Variants in PAK1 observed in about 807,000 individuals in gnomAD.
The protein encoded by PAK1 is p21 (RAC1) activated kinase 1, also known as serine/threonine-protein kinase PAK 1.
A neutral mutation model predicts 67.4 loss-of-function variants in PAK1; 29 were observed. The ratio of observed to expected loss-of-function variants is 0.43; its 90% CI spans 0.32 to 0.59. PAK1 has a LOEUF of 0.59. Among genes scored for constraint, PAK1 ranks in the 20% least tolerant of loss-of-function variants. PAK1 has a pLI of 0.07. For missense variants in PAK1, 337 were observed against 670.7 expected, an observed-to-expected ratio of 0.50 and a Z score of 5.50; for synonymous variants, 223 against 237.4, an observed-to-expected ratio of 0.94 and a Z score of 0.56.
chr11:77,368,960 G>T (rs1177305539), intron 5 of PAK1, among the ~76,000 whole-genome samples: 2 of 152,170 alleles, frequency 1.3e-5, no homozygotes, highest in African/African-American at 4.8e-5. Flanking sequence ...TGATCTGTGG[G>T]TGGTAAACCT....
Position 77,355,753 on chromosome 11 carries a change from G to A in PAK1, c.687C>T (p.Thr229=), listed in dbSNP as rs745756113. ...TSPISPTENN[T]TPPDALTRNT... is the part of the protein sequence containing the mutation. Reference sequence around the variant, plus strand: ...TCCGGGTCAAAGCATCTGGTGGAGTGGTGTTATTTTCAGTAGGTGAAATGG... The same window carrying A: ...TCCGGGTCAAAGCATCTGGTGGAGTAGTGTTATTTTCAGTAGGTGAAATGG... The change falls in exon 7 of 15, where the codon ACC becomes ACT. Residue 229 remains threonine (T), a synonymous_variant. Coordinates refer to ENST00000356341, the MANE Select transcript of PAK1 (RefSeq NM_002576.5). 7 of 1,612,750 alleles carry A rather than the reference G, an allele frequency of 4.3e-6. No homozygotes were observed. The highest frequency in any genetic ancestry group is 5.9e-6 in the Non-Finnish European group (7 of 1,178,802).
chr11:77,389,552 T>C (rs1251425817), intron 2 of PAK1, among the ~76,000 whole-genome samples: 1 of 152,218 alleles, frequency 6.6e-6, no homozygotes, highest in Non-Finnish European at 1.5e-5. Context: ...ATAGCCATCC[T>C]AGTGAGTGTG....
rs564339500 is a variant in PAK1 at position 77,434,445 on chromosome 11, CTTTTTT to C, written c.-22+39101_-22+39106del. Among the ~76,000 whole-genome samples the C allele has an allele frequency of 1.4e-4, 20 of 145,456 alleles. No homozygotes were observed. In the East Asian group the frequency reaches 3.4e-3, roughly 25 times the overall value. ...TTTAGGAGGACAAAATATTCTTTTT[CTTTTTT>C]TTTTTGGAGAGGGGATGGGGTATTG... On this transcript the variant is annotated intron_variant, in intron 1 of 14. Transcript: ENST00000356341.
intron 1 of PAK1, among the ~76,000 whole-genome samples, chr11:77,469,031 C>T (rs1267714608): frequency 6.6e-6 from 1 of 152,084 alleles, no homozygotes; most frequent in African/African-American, 2.4e-5. Context: ...GTAAATCTGT[C>T]TTCACCAAGC....
chr11:77,355,502 G>T (rs144011948), intron 7 of PAK1, among the ~76,000 whole-genome samples, 166 bp downstream of exon 7: 1,982 of 152,252 alleles, frequency 0.013, 16 homozygotes, highest in Non-Finnish European at 0.018. Flanking sequence ...AACCAGGGCT[G>T]TGAGACAGGG....
chr11:77,495,572 A>G, the PAK1 span, among the ~76,000 whole-genome samples: 1 of 152,210 alleles, frequency 6.6e-6, no homozygotes, highest in Non-Finnish European at 1.5e-5. Context: ...CAGGGTCTCA[A>G]AGAGGTATTT....
At chr11:77,479,084 C>CAAA (rs757138155), upstream of PAK1, among the ~76,000 whole-genome samples, 8,397 of 88,436 alleles carry the variant, frequency 0.095, 682 homozygotes, top group East Asian at 0.29. Flanking sequence ...GACTCCGTCT[C>CAAA]AAAAAAAAAA....
At chr11:77,407,874 T>C (rs760971890) in intron 1 of PAK1, among the ~76,000 whole-genome samples, 1 of 152,166 alleles carries the variant, frequency 6.6e-6, no homozygotes, top group African/African-American at 2.4e-5. Context: ...GAGTGTTTGT[T>C]TGGCTATGGC....
chr11:77,504,858 A>G, the PAK1 span, among the ~76,000 whole-genome samples: 1 of 152,220 alleles, frequency 6.6e-6, no homozygotes, highest in Non-Finnish European at 1.5e-5. Flanking sequence ...CAGACACCAT[A>G]TCAAGTATTC....
intron 13 of PAK1, among the ~76,000 whole-genome samples, chr11:77,333,204 T>G (rs1032041250): frequency 1.4e-4 from 21 of 147,876 alleles, no homozygotes; most frequent in Admixed American, 6.7e-4. Flanking sequence ...CTTTTTTTTT[T>G]TTTTTTTTTT....
chr11:77,355,679 A>G lies in PAK1; in HGVS notation c.761T>C (p.Leu254Ser), dbSNP rs1415925013. 1.2e-6 allele frequency: 2 copies of G among 1,612,936 alleles called. No individual in the cohort carries two copies. Among genetic ancestry groups the G allele is most frequent in the Admixed American group, 1.7e-5 (1 of 59,962 alleles). ...TACAAATTCCTTACGTAATTTCTCC[A>G]AGATCTCCTCATCAGACATTTTAGG... is the stretch of plus-strand genomic sequence containing the variant. Reference protein sequence around the residue: ...KKPKMSDEEILEKLRSIVSVG... With the variant: ...KKPKMSDEEISEKLRSIVSVG... Residue 254 changes from leucine (L) to serine (S), a missense_variant, in exon 7 of 15, where the codon TTG (leucine) becomes TCG (serine). This residue lies in a region of PAK1 where 150 missense variants were observed against 179.0 expected (regional missense o/e 0.84). Transcript: ENST00000356341.
intron 14 of PAK1, among the ~76,000 whole-genome samples, chr11:77,329,844 G>C (rs1941027454): frequency 6.6e-6 from 1 of 152,132 alleles, no homozygotes; most frequent in Non-Finnish European, 1.5e-5. Context: ...AAGTCAAATT[G>C]TCCCTGTTTG....
At chr11:77,351,307 TA>T (rs755545914) in intron 8 of PAK1, among the ~76,000 whole-genome samples, 542 of 128,590 alleles carry the variant, frequency 4.2e-3, no homozygotes, top group Middle Eastern at 7.4e-3. Context: ...TATCAGTAAC[TA>T]AAAAAAAAAA....
intron 1 of PAK1, among the ~76,000 whole-genome samples, chr11:77,404,236 C>G (rs1272076403): frequency 6.6e-6 from 1 of 152,064 alleles, no homozygotes; most frequent in Non-Finnish European, 1.5e-5. Flanking sequence ...TTTCCACTAG[C>G]CCTTTCCTTT....
the PAK1 span, among the ~76,000 whole-genome samples, chr11:77,518,428 T>C: frequency 6.6e-6 from 1 of 152,204 alleles, no homozygotes; most frequent in Non-Finnish European, 1.5e-5. Flanking sequence ...TCTCTGGTTT[T>C]TGTAATTCTT....
chr11:77,417,200 T>C (rs1434540407), intron 1 of PAK1, among the ~76,000 whole-genome samples: 1 of 152,190 alleles, frequency 6.6e-6, no homozygotes, highest in Non-Finnish European at 1.5e-5. Flanking sequence ...TTTATTGCAG[T>C]TTTATTCAGA....
chr11:77,396,518 C>T (rs1951852225), intron 1 of PAK1, among the ~76,000 whole-genome samples: 1 of 152,142 alleles, frequency 6.6e-6, no homozygotes, highest in South Asian at 2.1e-4. Flanking sequence ...ACGCCTGGCA[C>T]AGAACAGGTA....
intron 1 of PAK1, among the ~76,000 whole-genome samples, chr11:77,398,136 A>C (rs966031997): frequency 1.3e-5 from 2 of 152,166 alleles, no homozygotes; most frequent in Admixed American, 1.3e-4. Flanking sequence ...ATAGTCTTTT[A>C]GTTATTTTTA....
chr11:77,343,532 T>C (rs1943960815), intron 10 of PAK1, among the ~76,000 whole-genome samples: 1 of 152,178 alleles, frequency 6.6e-6, no homozygotes, highest in East Asian at 1.9e-4. Flanking sequence ...AGGACCTAGA[T>C]GTTTGACTCA....
Sources: gnomAD v4.1 joint callset for allele counts (sites outside exome capture counted in the v4.1 genomes callset) on GRCh38, gnomAD v4.1.1 for gene constraint, gnomAD v4.1.1 regional missense constraint, MANE v1.5 for transcripts, NCBI Gene and HGNC (gene_info 2026-07-23, HGNC 2026-07-21) for gene names.